The following CEP112 variants were observed in gnomAD, a reference collection of about 807,000 sequenced individuals.
The protein encoded by CEP112 is centrosomal protein 112.
A neutral mutation model predicts 153.0 loss-of-function variants in CEP112; 127 were observed. The ratio of observed to expected loss-of-function variants is 0.83; its 90% confidence interval spans 0.72 to 0.96. The LOEUF (loss-of-function observed/expected upper bound fraction) is 0.96, where lower values mean the gene tolerates loss of function less well. Among genes scored for constraint, CEP112 ranks in the 40% least tolerant of loss-of-function variants. The pLI is 0.00. For synonymous variants in CEP112, 358 were observed against 374.4 expected (o/e 0.96, Z 0.51); for missense variants, 1,089 against 1,101.2 (o/e 0.99, Z 0.16).
At chr17:66,154,564 C>T (rs1598452634) in intron 4 of CEP112, among the ~76,000 whole-genome samples, 1 of 151,982 alleles carries the variant, frequency 6.6e-6, no homozygotes, top group African/African-American at 2.4e-5. Context: ...AAACACATAT[C>T]CATTGTGATA....
intron 20 of CEP112, among the ~76,000 whole-genome samples, chr17:65,856,151 A>G (rs921562296): frequency 6.6e-6 from 1 of 152,194 alleles, no homozygotes; most frequent in South Asian, 2.1e-4. Flanking sequence ...TGAAGCTGCA[A>G]TTAATGTCAT....
chr17:65,925,979 AAAATTAATGGTAATCTT>A (rs1174334425), intron 19 of CEP112, among the ~76,000 whole-genome samples: 1 of 152,226 alleles, frequency 6.6e-6, no homozygotes, highest in Non-Finnish European at 1.5e-5. Flanking sequence ...AACCAAGCTA[AAAATTAATGGTAATCTT>A]AAGTATTCTG....
chr17:65,660,796 A>G (rs543472441), intron 24 of CEP112, among the ~76,000 whole-genome samples: 1 of 152,088 alleles, frequency 6.6e-6, no homozygotes, highest in East Asian at 1.9e-4. Context: ...AGGTGAGCTC[A>G]AGCAATCCAC....
intron 22 of CEP112, among the ~76,000 whole-genome samples, chr17:65,746,533 A>T (rs2051480601): frequency 1.3e-5 from 2 of 152,166 alleles, no homozygotes; most frequent in African/African-American, 4.8e-5. Flanking sequence ...TAAGATTGAG[A>T]AATAATCATA....
chr17:65,992,806 G>A (rs1214838679), intron 17 of CEP112, among the ~76,000 whole-genome samples: 5 of 152,060 alleles, frequency 3.3e-5, no homozygotes, highest in African/African-American at 9.7e-5. Flanking sequence ...ATACTATCCC[G>A]TTATACTTTA....
intron 19 of CEP112, among the ~76,000 whole-genome samples, chr17:65,906,162 T>G (rs970252396): frequency 6.7e-6 from 1 of 148,160 alleles, no homozygotes; most frequent in Admixed American, 6.9e-5. Context: ...CAAGTTAACA[T>G]AGGAACAGAA....
intron 21 of CEP112, among the ~76,000 whole-genome samples, chr17:65,753,602 C>T (rs1218464848): frequency 6.6e-6 from 1 of 152,144 alleles, no homozygotes; most frequent in Non-Finnish European, 1.5e-5. Flanking sequence ...CCACTCTCCA[C>T]CAGAATTAGG....
At chr17:66,042,448 C>T (rs1455993327) in intron 12 of CEP112, among the ~76,000 whole-genome samples, 1 of 151,850 alleles carries the variant, frequency 6.6e-6, no homozygotes, top group African/African-American at 2.4e-5. Context: ...AACCCACAAC[C>T]CCAGTCTAAT....
chr17:65,642,315 T>C (rs950476559), intron 24 of CEP112, among the ~76,000 whole-genome samples: 2 of 152,228 alleles, frequency 1.3e-5, no homozygotes, highest in Non-Finnish European at 2.9e-5. Flanking sequence ...GGCAATATAC[T>C]ATGAAAATTG....
At chr17:65,655,110 T>C (rs1054921150) in intron 24 of CEP112, 13 of 718,106 alleles carry the variant, frequency 1.8e-5, no homozygotes, top group Admixed American at 3.5e-5. Context: ...GTTGGCGTCA[T>C]TCCCAAGCCA....
intron 2 of CEP112, 67 bp from the exon 3 acceptor site, chr17:66,177,087 C>T (rs1306757608): frequency 3.2e-6 from 4 of 1,257,770 alleles, no homozygotes; most frequent in South Asian, 1.5e-5. Context: ...TTACAAAGAC[C>T]TATAATAGCA....
chr17:65,725,768 C>A (rs938975995), intron 23 of CEP112, among the ~76,000 whole-genome samples: 8 of 152,202 alleles, frequency 5.3e-5, no homozygotes, highest in African/African-American at 1.9e-4. Flanking sequence ...CCTGATAAAC[C>A]CATTAGATCT....
chr17:65,982,649 G>A (rs1307975886), intron 17 of CEP112, among the ~76,000 whole-genome samples: 1 of 152,202 alleles, frequency 6.6e-6, no homozygotes. Flanking sequence ...TATTATTTTG[G>A]AGACCAATAC....
At chr17:66,005,922 G>A (rs1385255888) in intron 16 of CEP112, among the ~76,000 whole-genome samples, 153 bp from the exon 17 acceptor site, 2 of 123,806 alleles carry the variant, frequency 1.6e-5, no homozygotes, top group Admixed American at 1.0e-4. Context: ...ACCATAGAAT[G>A]ATTTCAATAC....
intron 17 of CEP112, among the ~76,000 whole-genome samples, chr17:66,004,662 G>A (rs2052333): frequency 0.97 from 147,163 of 152,326 alleles, 71,295 homozygotes; most frequent in East Asian, 1. Context: ...TTTATAAATC[G>A]CATTAAAACG....
intron 8 of CEP112, among the ~76,000 whole-genome samples, chr17:66,092,806 T>C (rs993827862): frequency 6.6e-6 from 1 of 152,144 alleles, no homozygotes; most frequent in Non-Finnish European, 1.5e-5. Context: ...AAAAAGCATT[T>C]ACAAAATTCA....
At chr17:65,653,431 G>A (rs1466259527) in intron 24 of CEP112, among the ~76,000 whole-genome samples, 1 of 152,216 alleles carries the variant, frequency 6.6e-6, no homozygotes, top group African/African-American at 2.4e-5. Flanking sequence ...AGTAAAGTGA[G>A]TTTGACTGGT....
At chr17:65,753,175 C>T (rs565522011) in intron 21 of CEP112, among the ~76,000 whole-genome samples, 6 of 152,264 alleles carry the variant, frequency 3.9e-5, no homozygotes, top group African/African-American at 9.6e-5. Context: ...GAAGCAATCC[C>T]GTGCTCACAG....
chr17:66,107,967 G>A (rs1254549955), intron 6 of CEP112, among the ~76,000 whole-genome samples: 2 of 151,994 alleles, frequency 1.3e-5, no homozygotes, highest in South Asian at 2.1e-4. Flanking sequence ...CAATGGAGTA[G>A]GATAGAGAAC....
Sources: allele counts gnomAD v4.1 joint callset (sites outside exome capture counted in the v4.1 genomes callset), GRCh38; gene constraint gnomAD v4.1.1; transcripts MANE v1.5; gene names NCBI Gene and HGNC (gene_info 2026-07-23, HGNC 2026-07-21).